DPP6: variants seen among roughly 807,000 people sequenced by gnomAD.
DPP6 encodes dipeptidyl peptidase like 6.
Under a neutral mutation model 122.6 loss-of-function variants are expected in DPP6, and 69 were observed. The observed-to-expected ratio is 0.56, with a 90% confidence interval of 0.46 to 0.69. The LOEUF (loss-of-function observed/expected upper bound fraction) is 0.69. Among genes scored for constraint, DPP6 ranks in the 30% least tolerant of loss-of-function variants. The pLI is 0.00. For synonymous variants in DPP6, 418 were observed against 433.1 expected, an observed-to-expected ratio of 0.97 and a Z score of 0.43; for missense variants, 928 against 1,116.9, an observed-to-expected ratio of 0.83 and a Z score of 2.41.
At chr7:154,538,218 G>A (rs1828425390) in intron 3 of DPP6, among the ~76,000 whole-genome samples, 1 of 152,050 alleles carries the variant, frequency 6.6e-6, no homozygotes, top group Admixed American at 6.6e-5. Flanking sequence ...AATGTAGTAC[G>A]GCATAATCTT....
the DPP6 span, among the ~76,000 whole-genome samples, chr7:153,852,222 C>A: frequency 2.6e-5 from 4 of 152,128 alleles, no homozygotes; most frequent in Non-Finnish European, 5.9e-5. Flanking sequence ...TTCCGGCAAT[C>A]ATGCTGTACT....
At chr7:154,240,804 G>T (rs1801542946) in intron 1 of DPP6, among the ~76,000 whole-genome samples, 1 of 152,086 alleles carries the variant, frequency 6.6e-6, no homozygotes, top group Non-Finnish European at 1.5e-5. Context: ...TCTCTCCTCG[G>T]AATATCAACA....
chr7:154,160,816 G>A (rs1005722237), intron 1 of DPP6, among the ~76,000 whole-genome samples: 3 of 152,164 alleles, frequency 2.0e-5, no homozygotes, highest in Non-Finnish European at 2.9e-5. Flanking sequence ...TCACCTTGGC[G>A]ATGAAATGAC....
intron 1 of DPP6, among the ~76,000 whole-genome samples, chr7:154,000,920 G>A (rs1359427406): frequency 2.6e-5 from 4 of 152,122 alleles, no homozygotes; most frequent in African/African-American, 4.8e-5. Context: ...TCTGCCGCCC[G>A]GGCCCAGACC....
intron 1 of DPP6, among the ~76,000 whole-genome samples, chr7:154,187,443 C>G (rs1256002169): frequency 2.0e-5 from 3 of 152,174 alleles, no homozygotes; most frequent in Admixed American, 1.3e-4. Context: ...ATCTGTAAAT[C>G]TGGTTATTGG....
At chr7:154,267,479 CAT>C (rs1803499195) in intron 1 of DPP6, among the ~76,000 whole-genome samples, 3 of 149,772 alleles carry the variant, frequency 2.0e-5, no homozygotes, top group East Asian at 1.9e-4. Flanking sequence ...CTTATAAACA[CAT>C]ACACATGTGT....
chr7:154,836,402 G>A (rs1360559266), intron 16 of DPP6, among the ~76,000 whole-genome samples: 1 of 152,240 alleles, frequency 6.6e-6, no homozygotes, highest in Non-Finnish European at 1.5e-5. Flanking sequence ...GCAGTTTGGA[G>A]GCTGGTGTTT....
intron 3 of DPP6, among the ~76,000 whole-genome samples, chr7:154,500,205 GA>G (rs1194476410): frequency 6.7e-6 from 1 of 148,340 alleles, no homozygotes; most frequent in East Asian, 2.2e-4. Flanking sequence ...TTTGATCAGT[GA>G]TCAGTTTGAA....
At chr7:154,346,797 C>A (rs986278355) in intron 1 of DPP6, among the ~76,000 whole-genome samples, 8 of 152,174 alleles carry the variant, frequency 5.3e-5, no homozygotes, top group Admixed American at 2.6e-4. Flanking sequence ...TATTTTACTG[C>A]AAAATAACAA....
At chr7:153,980,978 T>C (rs1796554801) in intron 1 of DPP6, among the ~76,000 whole-genome samples, 1 of 152,208 alleles carries the variant, frequency 6.6e-6, no homozygotes, top group South Asian at 2.1e-4. Context: ...ATGTGGTCAA[T>C]TTTAGAATAA....
At chr7:154,495,817 G>A (rs767097183) in intron 3 of DPP6, among the ~76,000 whole-genome samples, 3 of 152,284 alleles carry the variant, frequency 2.0e-5, no homozygotes, top group Non-Finnish European at 2.9e-5. Flanking sequence ...ACAAGTGGGC[G>A]AGTCACAAAC....
At chr7:153,908,486 C>T (rs1039884724) in intron 1 of DPP6, among the ~76,000 whole-genome samples, 2 of 152,036 alleles carry the variant, frequency 1.3e-5, no homozygotes, top group Non-Finnish European at 2.9e-5. Flanking sequence ...CAAAAAATAC[C>T]TATTGGAAGT....
chr7:153,964,889 CCTTT>C (rs1250472713), intron 1 of DPP6, among the ~76,000 whole-genome samples: 8 of 131,798 alleles, frequency 6.1e-5, no homozygotes, highest in Non-Finnish European at 1.2e-4. Flanking sequence ...TTCTTTCTTC[CCTTT>C]CTTTCCCTTC....
chr7:154,853,927 C>T, intron 17 of DPP6, 100 bp downstream of exon 17: 1 of 1,485,094 alleles, frequency 6.7e-7, no homozygotes. Flanking sequence ...TACTCAGAGA[C>T]AGAGGGATGA....
chr7:154,797,150 G>T (rs907491280), intron 12 of DPP6, among the ~76,000 whole-genome samples: 2 of 152,166 alleles, frequency 1.3e-5, no homozygotes, highest in African/African-American at 4.8e-5. Context: ...GGAACATTTT[G>T]TAAACTCCGT....
chr7:153,825,458 C>T, the DPP6 span, among the ~76,000 whole-genome samples: 1 of 152,198 alleles, frequency 6.6e-6, no homozygotes, highest in African/African-American at 2.4e-5. Flanking sequence ...GGTACACAGA[C>T]ATATTATATT....
intron 1 of DPP6, among the ~76,000 whole-genome samples, chr7:154,255,992 T>C (rs1585754642): frequency 6.7e-6 from 1 of 149,946 alleles, no homozygotes; most frequent in African/African-American, 2.5e-5. Context: ...GAGATAAATA[T>C]GTGAAAACAC....
chr7:154,064,871 C>G (rs564943147), intron 1 of DPP6, among the ~76,000 whole-genome samples: 29 of 152,304 alleles, frequency 1.9e-4, no homozygotes, highest in Non-Finnish European at 3.8e-4. Flanking sequence ...GCACCGCAAG[C>G]GCGTTGCACA....
rs974618598 is a variant in DPP6 at position 154,456,183 on chromosome 7, C to G, written c.358+9855C>G. On this transcript the variant is annotated intron_variant, in intron 2 of 25. Transcript: ENST00000377770. ...TCGGGGAACTAGGAAGATGAAATTCCAGATTGAAATGGTTCCAAATTCTCT... is the reference window on the plus strand; with the variant it reads ...TCGGGGAACTAGGAAGATGAAATTCGAGATTGAAATGGTTCCAAATTCTCT... 3.3e-5 allele frequency among the ~76,000 whole-genome samples: 5 copies of G among 152,268 alleles called. No homozygotes were observed. The East Asian group carries it at 9.7e-4, about 29-fold the overall frequency.
Sources: gnomAD v4.1 joint callset for allele counts (sites outside exome capture counted in the v4.1 genomes callset) on GRCh38, gnomAD v4.1.1 for gene constraint, MANE v1.5 for transcripts, NCBI Gene and HGNC (gene_info 2026-07-23, HGNC 2026-07-21) for gene names.